Variants in COL24A1 observed in about 807,000 individuals in gnomAD.
COL24A1 encodes collagen type XXIV alpha 1 chain.
A neutral mutation model predicts 253.9 loss-of-function variants in COL24A1; 224 were observed. The ratio of observed to expected loss-of-function variants is 0.88; its 90% CI spans 0.79 to 0.99. The LOEUF (loss-of-function observed/expected upper bound fraction) is 0.99, where lower values mean the gene tolerates loss of function less well. Among genes scored for constraint, COL24A1 ranks in the 50% least tolerant of loss-of-function variants. The pLI is 0.00. For missense variants in COL24A1, 2,131 were observed against 2,068.5 expected, an observed-to-expected ratio of 1.03 and a Z score of -0.59; for synonymous variants, 685 against 673.7, an observed-to-expected ratio of 1.02 and a Z score of -0.26.
intron 24 of COL24A1, among the ~76,000 whole-genome samples, chr1:85,927,579 C>T (rs1213772002): frequency 6.8e-5 from 8 of 118,412 alleles, no homozygotes; most frequent in African/African-American, 9.7e-5. Flanking sequence ...TGGAGCCCAC[C>T]ACAGCTCAAG....
chr1:86,126,237 GAGAA>G, intron 2 of COL24A1, 23 bp from the exon 3 acceptor site: 1 of 1,548,022 alleles, frequency 6.5e-7, no homozygotes, highest in Non-Finnish European at 8.6e-7. Flanking sequence ...AAAAGAGAGA[GAGAA>G]AGAATCTTAA....
intron 28 of COL24A1, among the ~76,000 whole-genome samples, chr1:85,906,277 T>TTTTTTTTTTTTTTTTTTTTTTTTTTTTTG: frequency 6.8e-6 from 1 of 147,714 alleles, no homozygotes; most frequent in Admixed American, 6.8e-5. Context: ...TTTTTTTTTT[T>TTTTTTTTTTTTTTTTTTTTTTTTTTTTTG]ACCATGGTTA....
intron 25 of COL24A1, among the ~76,000 whole-genome samples, chr1:85,911,074 C>T (rs1685314178): frequency 6.6e-6 from 1 of 151,886 alleles, no homozygotes; most frequent in African/African-American, 2.4e-5. Flanking sequence ...TGCTTTCTTT[C>T]AAGCCTCTCA....
chr1:86,005,561 C>G (rs1695869053), intron 19 of COL24A1, among the ~76,000 whole-genome samples: 1 of 151,920 alleles, frequency 6.6e-6, no homozygotes, highest in African/African-American at 2.4e-5. Flanking sequence ...CATATGGAGT[C>G]TACTGAACAC....
At chr1:85,899,281 A>G (rs1684052549) in intron 28 of COL24A1, among the ~76,000 whole-genome samples, 1 of 152,236 alleles carries the variant, frequency 6.6e-6, no homozygotes, top group Admixed American at 6.5e-5. Flanking sequence ...ACATTCTAAA[A>G]TACTATAAAA....
At chr1:85,755,513 A>G (rs1414050372) in intron 55 of COL24A1, among the ~76,000 whole-genome samples, 2 of 125,392 alleles carry the variant, frequency 1.6e-5, no homozygotes, top group Admixed American at 8.9e-5. Flanking sequence ...AACAGTTGGT[A>G]CTGTCATAAA....
intron 19 of COL24A1, among the ~76,000 whole-genome samples, chr1:85,995,092 T>C (rs1694650327): frequency 6.6e-6 from 1 of 152,118 alleles, no homozygotes; most frequent in African/African-American, 2.4e-5. Context: ...GACAATAAAA[T>C]TCCTTATGAC....
At chr1:86,013,951 C>A (rs1696770402) in intron 19 of COL24A1, among the ~76,000 whole-genome samples, 1 of 152,196 alleles carries the variant, frequency 6.6e-6, no homozygotes, top group South Asian at 2.1e-4. Context: ...TCAAAGAACT[C>A]CTGCAGCTCC....
intron 58 of COL24A1, among the ~76,000 whole-genome samples, chr1:85,735,247 C>T (rs1302393072): frequency 2.0e-5 from 3 of 152,104 alleles, no homozygotes; most frequent in South Asian, 4.1e-4. Flanking sequence ...TCACTGAACA[C>T]GGCAATGGGA....
intron 10 of COL24A1, among the ~76,000 whole-genome samples, chr1:86,057,025 G>C (rs1364567335): frequency 3.3e-5 from 5 of 151,910 alleles, no homozygotes; most frequent in Admixed American, 6.6e-5. Flanking sequence ...TTGGATGTTT[G>C]TCCCCTCCAA....
At chr1:85,870,944 C>A (rs1181107395) in intron 35 of COL24A1, among the ~76,000 whole-genome samples, 2 of 151,968 alleles carry the variant, frequency 1.3e-5, no homozygotes, top group African/African-American at 4.8e-5. Context: ...AATTGATAGA[C>A]CGCTAGCAAT....
chr1:85,772,962 G>T (rs959465843), intron 53 of COL24A1, among the ~76,000 whole-genome samples: 2 of 152,112 alleles, frequency 1.3e-5, no homozygotes, highest in Admixed American at 6.5e-5. Flanking sequence ...TGTCCTGAAT[G>T]GTATTGCCCA....
At position 85,987,582 on chromosome 1, in the gene COL24A1, C is replaced by CTCT. The variant is rs749809787; in HGVS notation, c.2364+16_2364+18dup. ...AGATAACCATAATTGTTTAGTCTCT[C>CTCT]TCTTCTTCTTCTTCTTACCTTTGGT... On this transcript the variant is annotated intron_variant, in intron 20 of 59. Transcript: ENST00000370571. 199 of 1,521,126 alleles carry CTCT rather than the reference C, an allele frequency of 1.3e-4. No homozygotes were observed. Among genetic ancestry groups the CTCT allele is most frequent in the Middle Eastern group, 1.7e-4 (1 of 5,764 alleles). 94.2% of individuals were successfully genotyped at this position (1,521,126 alleles called of 1,614,324 possible). A position where few individuals can be genotyped will look rare whatever the true frequency, so the allele number is the denominator to read the frequency against.
chr1:86,117,591 G>T (rs1222750520), intron 3 of COL24A1, among the ~76,000 whole-genome samples: 1 of 152,160 alleles, frequency 6.6e-6, no homozygotes, highest in African/African-American at 2.4e-5. Context: ...TATTTGAATT[G>T]TTTGATAAGC....
intron 19 of COL24A1, among the ~76,000 whole-genome samples, chr1:86,004,375 C>A (rs1695725852): frequency 6.6e-6 from 1 of 151,992 alleles, no homozygotes; most frequent in Non-Finnish European, 1.5e-5. Context: ...AAATGGAGAC[C>A]CTCTTTACAT....
intron 10 of COL24A1, among the ~76,000 whole-genome samples, chr1:86,056,849 G>A (rs984699010): frequency 6.8e-6 from 1 of 147,300 alleles, no homozygotes; most frequent in Admixed American, 6.8e-5. Flanking sequence ...GTAAGACTCT[G>A]TCTCACCAAA....
chr1:86,013,018 T>C (rs1336606734), intron 19 of COL24A1, among the ~76,000 whole-genome samples: 3 of 152,152 alleles, frequency 2.0e-5, no homozygotes, highest in African/African-American at 4.8e-5. Flanking sequence ...TGCTGAAGTG[T>C]TTTACATGTA....
chr1:86,020,415 C>T (rs1410588599), intron 18 of COL24A1, among the ~76,000 whole-genome samples: 2 of 151,928 alleles, frequency 1.3e-5, no homozygotes, highest in African/African-American at 4.8e-5. Flanking sequence ...GGTTAAATAC[C>T]CAAGGTGATA....
At chr1:85,906,707 G>A (rs976308219) in intron 28 of COL24A1, among the ~76,000 whole-genome samples, 1 of 151,828 alleles carries the variant, frequency 6.6e-6, no homozygotes, top group African/African-American at 2.4e-5. Context: ...AAGAGATGAA[G>A]ATTTATTATT....
Sources: gnomAD v4.1 joint callset for allele counts (sites outside exome capture counted in the v4.1 genomes callset) on GRCh38, gnomAD v4.1.1 for gene constraint, MANE v1.5 for transcripts, NCBI Gene and HGNC (gene_info 2026-07-23, HGNC 2026-07-21) for gene names.